The following SEMA5B variants were observed in gnomAD, a reference collection of about 807,000 sequenced individuals.
The protein encoded by SEMA5B is semaphorin-5B.
Under a neutral mutation model 135.0 loss-of-function variants are expected in SEMA5B, and 66 were observed. That is an observed-to-expected ratio of 0.49 (90% CI 0.40 to 0.60). The LOEUF (loss-of-function observed/expected upper bound fraction) is 0.60. Among genes scored for constraint, SEMA5B ranks in the 20% least tolerant of loss-of-function variants. The probability of loss-of-function intolerance (pLI) is 0.00; values close to 1 mark genes in which losing one functional copy is unlikely to be tolerated. For synonymous variants in SEMA5B, 690 were observed against 639.5 expected (o/e 1.08, Z -1.19); for missense variants, 1,501 against 1,566.3 (o/e 0.96, Z 0.70).
chr3:122,983,162 AT>A (rs1941578912), intron 1 of SEMA5B, among the ~76,000 whole-genome samples: 1 of 152,116 alleles, frequency 6.6e-6, no homozygotes. Context: ...TGGCCAGTCA[AT>A]TTTGAGGGGC....
At chr3:122,993,075 G>A (rs1317540521) in intron 1 of SEMA5B, 4 of 152,268 alleles carry the variant, frequency 2.6e-5, no homozygotes, top group Admixed American at 6.5e-5. Flanking sequence ...ACTGCTCCCA[G>A]GGAGAAAACA....
At chr3:122,995,435 C>T (rs927189725) in intron 1 of SEMA5B, among the ~76,000 whole-genome samples, 1 of 152,302 alleles carries the variant, frequency 6.6e-6, no homozygotes, top group African/African-American at 2.4e-5. Context: ...GGTGGCCACA[C>T]CCTGCCACAC....
intron 1 of SEMA5B, among the ~76,000 whole-genome samples, chr3:122,996,839 T>C (rs916112527): frequency 2.6e-5 from 4 of 152,198 alleles, no homozygotes; most frequent in Admixed American, 2.6e-4. Flanking sequence ...CCATGAGGAA[T>C]GTTCTTGCAC....
At chr3:122,938,601 T>C (rs1367492189) in intron 5 of SEMA5B, among the ~76,000 whole-genome samples, 1 of 152,230 alleles carries the variant, frequency 6.6e-6, no homozygotes, top group Non-Finnish European at 1.5e-5. Flanking sequence ...CATGTTTTCC[T>C]GAAGGCCAGA....
intron 3 of SEMA5B, among the ~76,000 whole-genome samples, chr3:122,947,826 CTGTAACACAACCATGA>C (rs1203854183): frequency 2.0e-5 from 3 of 152,158 alleles, no homozygotes; most frequent in African/African-American, 7.2e-5. Flanking sequence ...ACTAATGTGA[CTGTAACACAACCATGA>C]CCCCCCCCAA....
chr3:123,016,686 T>C (rs1198489800), intron 1 of SEMA5B, among the ~76,000 whole-genome samples: 1 of 151,834 alleles, frequency 6.6e-6, no homozygotes. Flanking sequence ...GCAATCCTCC[T>C]GCCTCAGCCT....
chr3:122,923,793 G>C (rs768562842), intron 9 of SEMA5B, 41 bp from the exon 10 acceptor site: 1 of 1,611,772 alleles, frequency 6.2e-7, no homozygotes, highest in Non-Finnish European at 8.5e-7. Context: ...CTCCCTGTAA[G>C]ACCTGGCACC....
In SEMA5B at chr3:122,911,588, G is replaced by C. The variant is rs1937711804; in HGVS notation, c.3047-53C>G. On this transcript the variant is annotated intron_variant, in intron 20 of 22. Coordinates refer to ENST00000357599, the MANE Select transcript of SEMA5B (RefSeq NM_001031702.4). ...CAGGGGCGGAGACGAGAGGAGGGGG[G>C]CCCTGCAGGGTAGGCGTAAGCCTGG... 3 of 1,559,468 alleles carry C rather than the reference G, an allele frequency of 1.9e-6. No individual in the cohort carries two copies. In the African/African-American group the frequency reaches 4.0e-5, roughly 21 times the overall value.
chr3:123,012,901 C>G (rs1272339086), intron 1 of SEMA5B, among the ~76,000 whole-genome samples: 2 of 152,150 alleles, frequency 1.3e-5, no homozygotes, highest in East Asian at 3.9e-4. Flanking sequence ...GAGAACAGAC[C>G]TGGTTGTGAT....
chr3:122,911,475 G>A lies in SEMA5B; in HGVS notation c.3091+16C>T, dbSNP rs1473881961. On this transcript the variant is annotated intron_variant, in intron 21 of 22. Transcript: ENST00000357599. ...CTGGGAGGACCGCAGCATGAGGTAG[G>A]TCCGGTTTCTTTTACCTGCACAGTC... The A allele has an allele frequency of 6.2e-7, 1 of 1,603,354 alleles. No homozygotes were observed. Among genetic ancestry groups the A allele is most frequent in the Non-Finnish European group, 8.5e-7 (1 of 1,175,802 alleles).
chr3:122,972,915 G>T (rs1390248052), intron 1 of SEMA5B, among the ~76,000 whole-genome samples: 1 of 152,114 alleles, frequency 6.6e-6, no homozygotes, highest in Non-Finnish European at 1.5e-5. Context: ...GCCTATCCAG[G>T]CTCCCAGAAA....
chr3:122,922,546 G>C (rs996790840), intron 10 of SEMA5B, 99 bp from the exon 11 acceptor site: 4 of 1,115,948 alleles, frequency 3.6e-6, no homozygotes, highest in Non-Finnish European at 5.1e-6. Flanking sequence ...CCACAGCAGC[G>C]GACGCTGATT....
intron 4 of SEMA5B, among the ~76,000 whole-genome samples, chr3:122,940,969 T>C (rs2107520560): frequency 6.6e-6 from 1 of 152,352 alleles, no homozygotes; most frequent in East Asian, 1.9e-4. Context: ...TATTCATTTT[T>C]ATCCCATCAA....
intron 3 of SEMA5B, among the ~76,000 whole-genome samples, chr3:122,945,200 G>C (rs1367250813): frequency 6.6e-6 from 1 of 152,142 alleles, no homozygotes. Context: ...AAAAAAAGAA[G>C]AAGAAAGAAA....
intron 1 of SEMA5B, among the ~76,000 whole-genome samples, chr3:122,984,211 C>G (rs2107691788): frequency 6.6e-6 from 1 of 152,370 alleles, no homozygotes; most frequent in East Asian, 1.9e-4. Flanking sequence ...AGGGCCATCC[C>G]TCAGGGATTG....
intron 1 of SEMA5B, among the ~76,000 whole-genome samples, chr3:123,011,899 G>A (rs1942445271): frequency 6.6e-6 from 1 of 152,184 alleles, no homozygotes; most frequent in Admixed American, 6.5e-5. Flanking sequence ...CAGCGCTTCT[G>A]AACAACATCC....
At chr3:122,984,558 C>A (rs1941637066) in intron 1 of SEMA5B, among the ~76,000 whole-genome samples, 1 of 152,192 alleles carries the variant, frequency 6.6e-6, no homozygotes, top group Admixed American at 6.5e-5. Context: ...AAACCCACAG[C>A]AGAATCCTGG....
rs761031426 is a variant in SEMA5B at position 122,910,184 on chromosome 3, G to C, written c.3415C>G (p.Pro1139Ala). The change falls in exon 23 of 23, where the codon CCC becomes GCC. Residue 1139 changes from proline to alanine, a missense_variant. Coordinates refer to ENST00000357599, the MANE Select transcript of SEMA5B (RefSeq NM_001031702.4). The stretch of plus-strand genomic sequence containing the variant: ...CACCGTTGTCCAGGTGAGGCCTCGG[G>C]CCGGAAGCTGTGTTTGTTCAGGGGG... ...PSPLNKHSFR[P>A]EASPGQRCFP... 10 of 1,614,244 alleles carry C rather than the reference G, an allele frequency of 6.2e-6. No homozygotes were observed. Among genetic ancestry groups the C allele is most frequent in the Admixed American group, 1.7e-5 (1 of 60,030 alleles).
chr3:122,960,366 A>G lies in SEMA5B; in HGVS notation c.124+774T>C, dbSNP rs544082442. Among the ~76,000 whole-genome samples, 241 of 152,296 alleles carry G rather than the reference A, an allele frequency of 1.6e-3. 2 individuals are homozygous for G. The highest frequency in any genetic ancestry group is 6.8e-3 in the Middle Eastern group (2 of 294). On this transcript the variant is annotated intron_variant, in intron 2 of 22. Transcript: ENST00000357599. Reference sequence around the variant, plus strand: ...CGCATACTTGAAAATAGTTAAAATGAGTTGGTGGGAATGTAAAATGGTACA... The same window carrying G: ...CGCATACTTGAAAATAGTTAAAATGGGTTGGTGGGAATGTAAAATGGTACA...
Sources: allele counts gnomAD v4.1 joint callset (sites outside exome capture counted in the v4.1 genomes callset), GRCh38; gene constraint gnomAD v4.1.1; transcripts MANE v1.5; gene names NCBI Gene and HGNC (gene_info 2026-07-23, HGNC 2026-07-21).